Variants in CCT2 observed in about 807,000 individuals in gnomAD.
CCT2 encodes the protein chaperonin containing TCP1 subunit 2, also known as T-complex protein 1 subunit beta.
A neutral mutation model predicts 61.8 loss-of-function variants in CCT2; 18 were observed. The observed-to-expected ratio is 0.29, with a 90% CI of 0.20 to 0.43. The LOEUF (loss-of-function observed/expected upper bound fraction) is 0.43, where lower values mean the gene tolerates loss of function less well. Among genes scored for constraint, CCT2 ranks in the 20% least tolerant of loss-of-function variants. The pLI, the probability that CCT2 is intolerant of heterozygous loss-of-function variation, is 1.00. For synonymous variants in CCT2, 248 were observed against 215.9 expected (o/e 1.15, Z -1.30); for missense variants, 556 against 656.9 (o/e 0.85, Z 1.68).
At chr12:69,588,972 A>C (rs1881753504) in intron 6 of CCT2, among the ~76,000 whole-genome samples, 1 of 152,260 alleles carries the variant, frequency 6.6e-6, no homozygotes, top group Non-Finnish European at 1.5e-5. Context: ...AGAGTTGCCC[A>C]GAATGGAGTG....
intron 14 of CCT2, among the ~76,000 whole-genome samples, chr12:69,599,363 G>C (rs1311635206): frequency 6.6e-6 from 1 of 151,924 alleles, no homozygotes; most frequent in African/African-American, 2.4e-5. Context: ...ATAGGTGTGA[G>C]CCACTGATCC....
At chr12:69,598,443 T>G (rs764439144) in intron 14 of CCT2, 22 bp downstream of exon 14, 3 of 1,456,736 alleles carry the variant, frequency 2.1e-6, no homozygotes, top group Non-Finnish European at 2.8e-6. Context: ...AGGGGAACTT[T>G]GTGGCCGTTG....
At chr12:69,589,282 CTTT>C (rs3841585) in intron 6 of CCT2, 200 bp from the exon 7 acceptor site, 87 of 540,808 alleles carry the variant, frequency 1.6e-4, no homozygotes, top group African/African-American at 1.0e-3. Flanking sequence ...CCCCACCCCT[CTTT>C]TTTTTTTGGC....
chr12:69,598,993 G>A (rs999503378), intron 14 of CCT2, among the ~76,000 whole-genome samples: 1 of 151,956 alleles, frequency 6.6e-6, no homozygotes, highest in South Asian at 2.1e-4. Context: ...AAGTTGGGTA[G>A]GTAACTTATG....
intron 14 of CCT2, among the ~76,000 whole-genome samples, chr12:69,598,978 A>G (rs903115303): frequency 3.3e-5 from 5 of 152,242 alleles, no homozygotes; most frequent in African/African-American, 1.2e-4. Context: ...TTCTCACAAG[A>G]AGAGAAGTTG....
At position 69,593,239 on chromosome 12, in the gene CCT2, C is replaced by G. The variant is rs879008739; in HGVS notation, c.878+136C>G. On this transcript the variant is annotated intron_variant, in intron 9 of 15. Coordinates refer to ENST00000299300, the MANE Select transcript of CCT2 (RefSeq NM_006431.3). ...CACTTAAATTATGGATTTTTGTAATCAGTAAATTGTGATTTATGCACACTT... is the reference window on the plus strand; with the variant it reads ...CACTTAAATTATGGATTTTTGTAATGAGTAAATTGTGATTTATGCACACTT... The G allele has an allele frequency of 6.3e-6, 5 of 797,498 alleles. No individual in the cohort carries two copies. In the Admixed American group the frequency reaches 1.5e-4, roughly 24 times the overall value. 49.4% of individuals were successfully genotyped at this position (797,498 alleles called of 1,614,324 possible).
chr12:69,589,345 A>T, intron 6 of CCT2, 140 bp from the exon 7 acceptor site: 2 of 623,100 alleles, frequency 3.2e-6, no homozygotes, highest in South Asian at 2.1e-5. Context: ...GTGTTTCTTG[A>T]TTACTGCTGA....
chr12:69,586,892 T>C lies in CCT2; in HGVS notation c.144+74T>C, dbSNP rs1881681259. The C allele has an allele frequency of 1.0e-5, 9 of 883,912 alleles. No homozygotes were observed. The East Asian group carries it at 2.4e-4, about 23-fold the overall frequency. The allele number at this position is 883,912 out of a possible 1,614,324, so 54.8% of individuals were successfully genotyped here. ...TGGTGGAAATATAATAACAAGCGTA[T>C]TAAAATGCTTTTTAATCTTTAAAAC... On this transcript the variant is annotated intron_variant, in intron 3 of 15. Transcript: ENST00000299300.
rs779603126 is a variant in CCT2 at position 69,598,051 on chromosome 12, T to C, written c.1315T>C (p.Tyr439His). 5.0e-6 allele frequency: 8 copies of C among 1,612,202 alleles called. No individual in the cohort carries two copies. The highest frequency in any genetic ancestry group is 3.3e-5 in the Admixed American group (2 of 59,964). ...CAAAGAAGCTGTTGCAATGGAGTCTTATGCTAAAGCACTGAGAATGGTAAG... is the reference window on the plus strand; with the variant it reads ...CAAAGAAGCTGTTGCAATGGAGTCTCATGCTAAAGCACTGAGAATGGTAAG... The part of the protein sequence containing the change: ...PGKEAVAMES[Y>H]AKALRMLPTI... The change falls in exon 13 of 16, where the codon TAT (tyrosine) becomes CAT (histidine). Residue 439 changes from tyrosine (Y) to histidine (H), a missense_variant. Physicochemically the swap from Tyr to His is moderately conservative, Grantham distance 83. Transcript: ENST00000299300.
chr12:69,585,501 T>G lies in CCT2; in HGVS notation c.-21T>G, dbSNP rs1031515524. 16 of 1,564,868 alleles carry G rather than the reference T, an allele frequency of 1.0e-5. No individual in the cohort carries two copies. Among genetic ancestry groups the G allele is most frequent in the Non-Finnish European group, 1.3e-5 (15 of 1,153,858 alleles). The stretch of plus-strand genomic sequence containing the variant: ...CACGAGCTGTGAGGGGATTCACTTG[T>G]GTGCGGAACTCCTCGGAACCATGGT... On this transcript the variant is annotated 5_prime_UTR_variant, in exon 1 of 16. Coordinates refer to ENST00000299300, the MANE Select transcript of CCT2 (RefSeq NM_006431.3).
At chr12:69,592,955 T>C (rs774262284) in intron 8 of CCT2, 21 bp from the exon 9 acceptor site, 9 of 1,610,028 alleles carry the variant, frequency 5.6e-6, no homozygotes, top group Non-Finnish European at 6.8e-6. Context: ...TGATGCTCTC[T>C]TTATGCTTCG....
intron 6 of CCT2, chr12:69,589,278 C>G (rs912008166): frequency 1.9e-6 from 1 of 514,046 alleles, no homozygotes; most frequent in East Asian, 3.2e-5. Flanking sequence ...TGGCCCCCAC[C>G]CCTCTTTTTT....
At chr12:69,585,992 A>T (rs1476037693) in intron 1 of CCT2, 1 of 1,332,208 alleles carries the variant, frequency 7.5e-7, no homozygotes. Flanking sequence ...TTAGTTCAAG[A>T]TCGTCTTTAG....
At chr12:69,597,104 C>A in intron 10 of CCT2, 52 bp from the exon 11 acceptor site, 5 of 1,576,822 alleles carry the variant, frequency 3.2e-6, no homozygotes, top group Non-Finnish European at 4.3e-6. Context: ...TATTAGAAAA[C>A]AGGAATTTTA....
rs778081152 is a variant in CCT2 at position 69,588,138 on chromosome 12, C to T, written c.334-12C>T. The stretch of plus-strand genomic sequence containing the variant: ...TCTATTTATAACTTTTGTTTTATAA[C>T]TTTATTAATAGGAAGCAGAATCTTT... On this transcript the variant is annotated splice_polypyrimidine_tract_variant and intron_variant, in intron 5 of 15. Transcript: ENST00000299300. The T allele has an allele frequency of 6.2e-7, 1 of 1,603,690 alleles. No individual in the cohort carries two copies. The highest frequency in any genetic ancestry group is 1.1e-5 in the South Asian group (1 of 90,588).
At chr12:69,587,092 T>A in intron 3 of CCT2, 1 of 358,108 alleles carries the variant, frequency 2.8e-6, no homozygotes. Flanking sequence ...TTTATACTCA[T>A]GTAACATACT....
intron 13 of CCT2, 76 bp downstream of exon 13, chr12:69,598,147 C>A: frequency 9.1e-7 from 1 of 1,095,682 alleles, no homozygotes; most frequent in Non-Finnish European, 1.3e-6. Flanking sequence ...AGAAAATGAA[C>A]TGGTTAATAC....
chr12:69,596,975 T>C (rs537969005), intron 10 of CCT2, among the ~76,000 whole-genome samples, 181 bp from the exon 11 acceptor site: 2 of 152,334 alleles, frequency 1.3e-5, no homozygotes, highest in East Asian at 1.9e-4. Context: ...AAGAGGATTA[T>C]TTTAAAGATT....
intron 3 of CCT2, 42 bp from the exon 4 acceptor site, chr12:69,587,463 A>T (rs754036102): frequency 9.1e-7 from 1 of 1,094,200 alleles, no homozygotes; most frequent in African/African-American, 1.5e-5. Context: ...ATTCTTCAAG[A>T]TGTGCTTATG....
Sources: gnomAD v4.1 joint callset for allele counts (sites outside exome capture counted in the v4.1 genomes callset) on GRCh38, gnomAD v4.1.1 for gene constraint, MANE v1.5 for transcripts, NCBI Gene and HGNC (gene_info 2026-07-23, HGNC 2026-07-21) for gene names.